The following STK39 variants were observed in gnomAD, a reference collection of about 807,000 sequenced individuals.
STK39 encodes STE20/SPS1-related proline-alanine-rich protein kinase.
STK39 carries 20 observed loss-of-function variants against 77.8 expected under a neutral mutation model. The ratio of observed to expected loss-of-function variants is 0.26; its 90% CI spans 0.18 to 0.37. The LOEUF (loss-of-function observed/expected upper bound fraction) is 0.37. Among genes scored for constraint, STK39 ranks in the 10% least tolerant of loss-of-function variants. The pLI is 1.00. For synonymous variants in STK39, 246 were observed against 234.1 expected, an observed-to-expected ratio of 1.05 and a Z score of -0.47; for missense variants, 479 against 656.5, an observed-to-expected ratio of 0.73 and a Z score of 2.95.
At chr2:168,072,224 T>C (rs1222301290) in intron 12 of STK39, among the ~76,000 whole-genome samples, 2 of 152,168 alleles carry the variant, frequency 1.3e-5, no homozygotes, top group African/African-American at 2.4e-5. Flanking sequence ...CATATTAGTA[T>C]GGAAAGAAAC....
chr2:168,119,297 T>C (rs1687345581), intron 10 of STK39, among the ~76,000 whole-genome samples: 1 of 152,134 alleles, frequency 6.6e-6, no homozygotes, highest in South Asian at 2.1e-4. Context: ...ATGTTGACTC[T>C]CTTCTACCCG....
chr2:168,166,621 A>T (rs1222683509), intron 3 of STK39, among the ~76,000 whole-genome samples: 1 of 152,236 alleles, frequency 6.6e-6, no homozygotes, highest in African/African-American at 2.4e-5. Context: ...CACAAAGTCC[A>T]CAACCTAAAT....
chr2:168,175,522 C>A (rs1176611035), intron 2 of STK39, among the ~76,000 whole-genome samples: 2 of 151,950 alleles, frequency 1.3e-5, no homozygotes, highest in Non-Finnish European at 2.9e-5. Context: ...AATTAGTATC[C>A]GAATAAGCTA....
intron 14 of STK39, among the ~76,000 whole-genome samples, chr2:168,059,452 G>C (rs1574429314): frequency 6.6e-6 from 1 of 152,182 alleles, no homozygotes; most frequent in South Asian, 2.1e-4. Flanking sequence ...CCTTGGGAGT[G>C]AGGGTGGCGT....
chr2:168,064,759 C>T (rs979703743), intron 13 of STK39, among the ~76,000 whole-genome samples: 1 of 152,196 alleles, frequency 6.6e-6, no homozygotes, highest in African/African-American at 2.4e-5. Flanking sequence ...AGAATGCAGG[C>T]CTGTGCTCTG....
chr2:168,100,644 TG>T (rs1212219938), intron 10 of STK39, among the ~76,000 whole-genome samples: 4 of 152,060 alleles, frequency 2.6e-5, no homozygotes, highest in Non-Finnish European at 4.4e-5. Flanking sequence ...ACCTACAGAA[TG>T]GGAGAAAATT....
chr2:167,977,846 C>G (rs1683321038), intron 16 of STK39, among the ~76,000 whole-genome samples: 1 of 66,076 alleles, frequency 1.5e-5, no homozygotes, highest in South Asian at 3.5e-4. Flanking sequence ...AGGTAATTCA[C>G]AGAGTTGGCT....
chr2:168,098,739 C>T (rs77774200), intron 10 of STK39, among the ~76,000 whole-genome samples: 332 of 152,170 alleles, frequency 2.2e-3, no homozygotes, highest in African/African-American at 6.1e-3. Flanking sequence ...CAAAAAGTGA[C>T]GGCATAAGAT....
At chr2:168,227,163 A>C (rs149968811) in intron 1 of STK39, among the ~76,000 whole-genome samples, 1 of 152,362 alleles carries the variant, frequency 6.6e-6, no homozygotes, top group African/African-American at 2.4e-5. Context: ...TACATGTAAA[A>C]TTATTACATT....
At chr2:168,078,537 A>G (rs16854664) in intron 10 of STK39, among the ~76,000 whole-genome samples, 3,023 of 152,266 alleles carry the variant, frequency 0.02, 104 homozygotes, top group African/African-American at 0.069. Context: ...CAACTCAAAG[A>G]AGGCACCTGG....
At chr2:168,068,510 G>A (rs1459224062) in intron 12 of STK39, among the ~76,000 whole-genome samples, 3 of 152,192 alleles carry the variant, frequency 2.0e-5, no homozygotes, top group Non-Finnish European at 4.4e-5. Context: ...TCACATGGCA[G>A]CGCTGGTTTC....
intron 1 of STK39, among the ~76,000 whole-genome samples, chr2:168,230,582 G>A (rs765719062): frequency 1.3e-5 from 2 of 152,156 alleles, no homozygotes; most frequent in Non-Finnish European, 2.9e-5. Context: ...AAGTACAATG[G>A]TCCTTACCTT....
chr2:168,203,968 G>A (rs573495320), intron 1 of STK39, among the ~76,000 whole-genome samples: 1 of 152,312 alleles, frequency 6.6e-6, no homozygotes, highest in Non-Finnish European at 1.5e-5. Flanking sequence ...TGTGAAACAT[G>A]GGAAAAGAAA....
intron 10 of STK39, among the ~76,000 whole-genome samples, chr2:168,098,213 G>T (rs1686725167): frequency 6.6e-6 from 1 of 152,208 alleles, no homozygotes; most frequent in Non-Finnish European, 1.5e-5. Flanking sequence ...AAGTGCACAT[G>T]TACTTTTAAT....
At chr2:168,011,247 C>G (rs975200134) in intron 16 of STK39, among the ~76,000 whole-genome samples, 1 of 151,724 alleles carries the variant, frequency 6.6e-6, no homozygotes, top group African/African-American at 2.4e-5. Flanking sequence ...TGCAGTGGGC[C>G]GAGATTACAC....
chr2:168,246,618 G>A (rs1690911253), intron 1 of STK39, among the ~76,000 whole-genome samples: 1 of 152,220 alleles, frequency 6.6e-6, no homozygotes, highest in Admixed American at 6.5e-5. Flanking sequence ...GCGGAGAGCC[G>A]GGCTGCAAGG....
chr2:168,120,962 C>G (rs1175270497), intron 10 of STK39, among the ~76,000 whole-genome samples: 1 of 144,424 alleles, frequency 6.9e-6, no homozygotes, highest in Admixed American at 7.1e-5. Flanking sequence ...TGCAGCATCT[C>G]CTAGTGCCTG....
At chr2:167,991,954 G>A (rs1424771903) in intron 16 of STK39, among the ~76,000 whole-genome samples, 1 of 152,206 alleles carries the variant, frequency 6.6e-6, no homozygotes, top group Non-Finnish European at 1.5e-5. Context: ...TACATCTACA[G>A]CCTGATCGGC....
intron 1 of STK39, among the ~76,000 whole-genome samples, chr2:168,221,400 A>AC (rs11433060): frequency 0.98 from 148,982 of 152,244 alleles, 72,982 homozygotes; most frequent in East Asian, 1. Flanking sequence ...TTAGCATTTA[A>AC]CCATGTTTGT....
Sources: allele counts gnomAD v4.1 joint callset (sites outside exome capture counted in the v4.1 genomes callset), GRCh38; gene constraint gnomAD v4.1.1; transcripts MANE v1.5; gene names NCBI Gene and HGNC (gene_info 2026-07-23, HGNC 2026-07-21).